Variants in CHST11 observed in about 807,000 individuals in gnomAD.
CHST11 encodes C4S-1.
In CHST11, 9 loss-of-function variants were observed where a neutral mutation model predicts 30.4. The ratio of observed to expected loss-of-function variants is 0.30; its 90% CI spans 0.18 to 0.52. The LOEUF is 0.52. Ranked by LOEUF, CHST11 falls within the 20% of genes least tolerant of loss-of-function variation. The pLI is 0.97. For synonymous variants in CHST11, 152 were observed against 187.8 expected (o/e 0.81, Z 1.56); for missense variants, 348 against 460.6 (o/e 0.76, Z 2.24).
chr12:104,541,128 TCTCA>T (rs1292646279), intron 1 of CHST11, among the ~76,000 whole-genome samples: 2 of 141,000 alleles, frequency 1.4e-5, no homozygotes, highest in African/African-American at 5.5e-5. Context: ...TCTCTCTCTC[TCTCA>T]CACACACACA....
rs897117596 is a variant in CHST11, at chr12:104,526,118, C to CT, written c.118+68596dup. ...AAGGCTGATTGGTAGTTGTATCTGA[C>CT]TTTTTTTCTTGTTGACCAGTGAGTT... On this transcript the variant is annotated intron_variant, in intron 1 of 2. Transcript: ENST00000303694. Among the ~76,000 whole-genome samples, 16 of 151,918 alleles carry CT rather than the reference C, an allele frequency of 1.1e-4. No homozygotes were observed. In the East Asian group the frequency reaches 2.3e-3, roughly 22 times the overall value.
intron 1 of CHST11, among the ~76,000 whole-genome samples, chr12:104,580,022 A>T (rs1300212822): frequency 6.6e-6 from 1 of 152,228 alleles, no homozygotes. Flanking sequence ...ATCATCCCTA[A>T]GTTACCAGTC....
At chr12:104,595,893 G>T (rs531948598) in intron 1 of CHST11, among the ~76,000 whole-genome samples, 1 of 152,344 alleles carries the variant, frequency 6.6e-6, no homozygotes, top group East Asian at 1.9e-4. Context: ...AAATGGTGTT[G>T]CTGGGTGAGC....
At chr12:104,495,155 C>G (rs2135970355) in intron 1 of CHST11, among the ~76,000 whole-genome samples, 1 of 152,266 alleles carries the variant, frequency 6.6e-6, no homozygotes, top group South Asian at 2.1e-4. Flanking sequence ...GACAGGATTC[C>G]TTCCTTTTTA....
Position 104,601,053 on chromosome 12 carries a change from C to G in CHST11, c.119-853C>G, listed in dbSNP as rs78288849. Among the ~76,000 whole-genome samples the G allele has an allele frequency of 8.1e-3, 1,213 of 150,232 alleles. 22 individuals carry two copies. Among genetic ancestry groups the G allele is most frequent in the African/African-American group, 0.028 (1,150 of 40,800 alleles). On this transcript the variant is annotated intron_variant, in intron 1 of 2. Transcript: ENST00000303694. ...CTTCCTTCTCTCCCTCTCTACTGCT[C>G]TCTTTCCTTCCCTCCTACCTTCCTT...
intron 1 of CHST11, among the ~76,000 whole-genome samples, chr12:104,546,414 G>A (rs2038349556): frequency 6.6e-6 from 1 of 150,546 alleles, no homozygotes; most frequent in Non-Finnish European, 1.5e-5. Flanking sequence ...GTTGCAGTGA[G>A]CTATGATCTT....
chr12:104,497,575 TA>T (rs34702136), intron 1 of CHST11, among the ~76,000 whole-genome samples: 5 of 151,548 alleles, frequency 3.3e-5, no homozygotes, highest in Admixed American at 6.6e-5. Context: ...CCTCACGTAT[TA>T]AAAAAAAATG....
Position 104,757,495 on chromosome 12 carries a change from C to T in CHST11, c.751C>T (p.Arg251Trp), listed in dbSNP as rs1040579491. Residue 251 changes from arginine to tryptophan, a missense_variant, in exon 3 of 3, where the codon CGG becomes TGG. Physicochemically the swap from Arg to Trp is moderately radical, Grantham distance 101. This residue lies in a region of CHST11 where 210 missense variants were observed against 287.2 expected (regional missense o/e 0.73). Coordinates refer to ENST00000303694, the MANE Select transcript of CHST11 (RefSeq NM_018413.6). This position sits in a 1 kb window ranked among gnomAD's most constrained non-coding sequence, Gnocchi z 6.5. The part of the protein sequence containing the change: ...VAYLIDPHTQ[R>W]EEPFNEHWQT... ...CTATCTCATCGACCCACACACCCAG[C>T]GGGAGGAGCCTTTCAACGAACACTG... is the stretch of plus-strand genomic sequence containing the variant. 6.8e-6 allele frequency: 11 copies of T among 1,614,106 alleles called. No individual in the cohort carries two copies. Among genetic ancestry groups the T allele is most frequent in the South Asian group, 2.2e-5 (2 of 91,070 alleles).
intron 1 of CHST11, among the ~76,000 whole-genome samples, chr12:104,595,567 C>G (rs1016092609): frequency 1.6e-4 from 24 of 152,322 alleles, no homozygotes; most frequent in African/African-American, 5.1e-4. Flanking sequence ...GGTTGAACCT[C>G]TTCACCTGAC....
chr12:104,541,236 G>C (rs948552405), intron 1 of CHST11, among the ~76,000 whole-genome samples: 11 of 152,082 alleles, frequency 7.2e-5, no homozygotes, highest in African/African-American at 2.7e-4. Flanking sequence ...CTTTGCTCTG[G>C]AGATGCAAAA....
At chr12:104,649,263 A>G (rs2039468549) in intron 2 of CHST11, among the ~76,000 whole-genome samples, 2 of 152,194 alleles carry the variant, frequency 1.3e-5, no homozygotes, top group Non-Finnish European at 1.5e-5. Context: ...CTCCTGCCCT[A>G]TTGTAGATCT....
chr12:104,552,114 G>A (rs1024090900), intron 1 of CHST11: 2 of 152,266 alleles, frequency 1.3e-5, no homozygotes, highest in Non-Finnish European at 2.9e-5. Flanking sequence ...GATGGGTTGA[G>A]AGTCTGCCTT....
chr12:104,715,919 T>A (rs955503064), intron 2 of CHST11, among the ~76,000 whole-genome samples: 4 of 152,328 alleles, frequency 2.6e-5, no homozygotes, highest in African/African-American at 9.6e-5. Context: ...TAACCTGACC[T>A]ATAGCAGTAT....
At chr12:104,682,054 C>T (rs983433279) in intron 2 of CHST11, among the ~76,000 whole-genome samples, 2 of 151,986 alleles carry the variant, frequency 1.3e-5, no homozygotes, top group African/African-American at 4.8e-5. Context: ...AAGATGGTCT[C>T]GATCTCCTGA....
chr12:104,462,842 A>C (rs935284474), intron 1 of CHST11, among the ~76,000 whole-genome samples: 13 of 152,134 alleles, frequency 8.5e-5, no homozygotes, highest in African/African-American at 3.1e-4. Flanking sequence ...TGATCATTTA[A>C]ATGTTTGCAC....
rs544483578 is a variant in CHST11 at position 104,458,576 on chromosome 12, C to A, written c.118+1047C>A. ...TGCGAAGCCCAACAGGTAGAACGTT[C>A]CGAGAAGCCTTCCGGGTAACGCGGG... On this transcript the variant is annotated intron_variant, in intron 1 of 2. Transcript: ENST00000303694. The surrounding 1 kb of genome is among the most constrained non-coding windows in gnomAD (Gnocchi z 5.7). 6.6e-6 allele frequency among the ~76,000 whole-genome samples: 1 copy of A among 152,352 alleles called. No homozygotes were observed. The highest frequency in any genetic ancestry group is 1.9e-4 in the East Asian group (1 of 5,176).
chr12:104,614,437 C>T (rs10861255), intron 2 of CHST11, among the ~76,000 whole-genome samples: 85,254 of 151,956 alleles, frequency 0.56, 24,717 homozygotes, highest in East Asian at 0.86. Context: ...CCAGCTGACT[C>T]GGGAGGCTGA....
At position 104,757,392 on chromosome 12, in the gene CHST11, C is replaced by A. The variant is rs367722088; in HGVS notation, c.648C>A (p.Ile216=). Residue 216 remains isoleucine, a synonymous_variant, in exon 3 of 3, where the codon ATC becomes ATA. Transcript: ENST00000303694. This position sits in a 1 kb window ranked among gnomAD's most constrained non-coding sequence, Gnocchi z 6.5. Reference sequence around the variant, plus strand: ...TCCACAAGCGGTACGGCACCAAGATCATCAAACGCCAGCGGAAGAACGCCA... The same window carrying A: ...TCCACAAGCGGTACGGCACCAAGATAATCAAACGCCAGCGGAAGAACGCCA... ...ISFHKRYGTK[I]IKRQRKNATQ... is the part of the protein sequence containing the mutation. The A allele has an allele frequency of 1.6e-5, 26 of 1,614,014 alleles. No individual in the cohort carries two copies. In the African/African-American group the frequency reaches 2.8e-4, roughly 17 times the overall value.
chr12:104,462,306 A>G (rs2037417883), intron 1 of CHST11, among the ~76,000 whole-genome samples: 1 of 150,124 alleles, frequency 6.7e-6, no homozygotes, highest in African/African-American at 2.4e-5. Context: ...ATATATTTAT[A>G]TATTCTGTAT....
Sources: gnomAD v4.1 joint callset for allele counts (sites outside exome capture counted in the v4.1 genomes callset) on GRCh38, gnomAD v4.1.1 for gene constraint, gnomAD v4.1.1 regional missense constraint, Gnocchi (gnomAD v3.1) non-coding constraint, MANE v1.5 for transcripts, NCBI Gene and HGNC (gene_info 2026-07-23, HGNC 2026-07-21) for gene names.